Variants in TMEM220 observed in about 807,000 individuals in gnomAD.
The protein encoded by TMEM220 is transmembrane protein 220.
TMEM220 carries 21 observed loss-of-function variants against 21.7 expected under a neutral mutation model. That is an observed-to-expected ratio of 0.97 (90% CI 0.69 to 1.39). The LOEUF (loss-of-function observed/expected upper bound fraction) is 1.39. Among genes scored for constraint, TMEM220 ranks in the 40% most tolerant of loss-of-function variants. TMEM220 has a pLI of 0.00. For synonymous variants in TMEM220, 80 were observed against 73.6 expected, an observed-to-expected ratio of 1.09 and a Z score of -0.45; for missense variants, 191 against 201.9, an observed-to-expected ratio of 0.95 and a Z score of 0.33.
At chr17:10,722,342 CTT>C (rs1275065232) in intron 5 of TMEM220, among the ~76,000 whole-genome samples, 3 of 152,120 alleles carry the variant, frequency 2.0e-5, no homozygotes. Context: ...TTCTTTGACT[CTT>C]AACTGAAATC....
chr17:10,715,683 A>C, intron 5 of TMEM220, 95 bp from the exon 6 acceptor site: 1 of 905,186 alleles, frequency 1.1e-6, no homozygotes, highest in Non-Finnish European at 1.6e-6. Flanking sequence ...ATTACATTTT[A>C]GTATGTTCTC....
chr17:10,712,837 G>C (rs1567582566), downstream of TMEM220, among the ~76,000 whole-genome samples: 1 of 152,190 alleles, frequency 6.6e-6, no homozygotes, highest in South Asian at 2.1e-4. Flanking sequence ...ATTATGGAGA[G>C]CCTTGAATGA....
In TMEM220 at chr17:10,714,304, G is replaced by C. The variant is rs2074882133; in HGVS notation, c.*1149C>G. On this transcript the variant is annotated 3_prime_UTR_variant, in exon 6 of 6. Coordinates refer to ENST00000341871, the MANE Select transcript of TMEM220 (RefSeq NM_001004313.3). ...CATAAAATTTGCAATTGGAAAATTA[G>C]ATTCAAATACCCAAGTTGTTCCAAA... is the stretch of plus-strand genomic sequence containing the variant. 1 of 150,422 alleles carries C rather than the reference G, an allele frequency of 6.6e-6. No homozygotes were observed. The allele number at this position is 150,422 out of a possible 1,614,324, so 9.3% of individuals were successfully genotyped here.
Position 10,725,047 on chromosome 17 carries a change from C to T in TMEM220, c.251G>A (p.Arg84His), listed in dbSNP as rs79737146. 1,145 of 1,614,058 alleles carry T rather than the reference C, an allele frequency of 7.1e-4. 15 individuals carry two copies. In the East Asian group the frequency reaches 0.019, roughly 27 times the overall value. The part of the protein sequence containing the change: ...AVGLASYLLH[R>H]TQQNILHEEE... ...CTCATGTAAGATGTTCTGTTGTGTACGATGCAAGAGGTAGGACGCCAAGCC... is the reference window on the plus strand; with the variant it reads ...CTCATGTAAGATGTTCTGTTGTGTATGATGCAAGAGGTAGGACGCCAAGCC... Residue 84 changes from arginine to histidine, a missense_variant, in exon 4 of 6, where the codon CGT becomes CAT. Arg to His is a conservative substitution (Grantham distance 29, BLOSUM62 0). Coordinates refer to ENST00000341871, the MANE Select transcript of TMEM220 (RefSeq NM_001004313.3).
At position 10,729,836 on chromosome 17, in the gene TMEM220, A is replaced by C. The variant is rs1258259457; in HGVS notation, c.16T>G (p.Trp6Gly). 7.2e-7 allele frequency: 1 copy of C among 1,397,578 alleles called. No homozygotes were observed. Among genetic ancestry groups the C allele is most frequent in the East Asian group, 3.0e-5 (1 of 33,344 alleles). 86.6% of individuals were successfully genotyped at this position (1,397,578 alleles called of 1,614,324 possible). MAPAL[W>G]RACNGLMAAF... The stretch of plus-strand genomic sequence containing the variant: ...GCCATGAGTCCGTTGCAGGCCCGCC[A>C]CAGCGCTGGCGCCATGGCTCGGAGA... Residue 6 changes from tryptophan to glycine, a missense_variant, in exon 1 of 6, where the codon TGG becomes GGG. Transcript: ENST00000341871.
At chr17:10,729,007 A>G in intron 2 of TMEM220, 24 bp downstream of exon 2, 3 of 1,614,010 alleles carry the variant, frequency 1.9e-6, no homozygotes, top group East Asian at 2.2e-5. Flanking sequence ...AACGGAGGAA[A>G]GCCTGGAAGC....
intron 1 of TMEM220, 138 bp from the exon 2 acceptor site, chr17:10,729,198 G>T: frequency 1.1e-6 from 1 of 921,550 alleles, no homozygotes; most frequent in Non-Finnish European, 1.7e-6. Flanking sequence ...AATCTGAACA[G>T]GATATAGTCC....
At chr17:10,716,187 A>G (rs774168760) in intron 5 of TMEM220, 1 of 895,704 alleles carries the variant, frequency 1.1e-6, no homozygotes, top group Non-Finnish European at 1.8e-6. Context: ...ATTGACTGAC[A>G]TCAATAAGGG....
chr17:10,723,182 T>C, intron 5 of TMEM220, 88 bp downstream of exon 5: 1 of 1,112,134 alleles, frequency 9.0e-7, no homozygotes, highest in Non-Finnish European at 1.4e-6. Flanking sequence ...GGTTTGACCA[T>C]ATTGGCCAGG....
intron 5 of TMEM220, among the ~76,000 whole-genome samples, chr17:10,720,175 C>T (rs1393226371): frequency 1.3e-5 from 2 of 152,152 alleles, no homozygotes; most frequent in South Asian, 2.1e-4. Context: ...ATGAACTATG[C>T]AATTACACTT....
downstream of TMEM220, among the ~76,000 whole-genome samples, chr17:10,712,596 G>A (rs1462964603): frequency 6.6e-6 from 1 of 152,214 alleles, no homozygotes; most frequent in Non-Finnish European, 1.5e-5. Context: ...GAACATGGAG[G>A]ATGAATTTAA....
At chr17:10,711,605 C>T (rs1423922890), downstream of TMEM220, among the ~76,000 whole-genome samples, 7 of 152,130 alleles carry the variant, frequency 4.6e-5, no homozygotes, top group African/African-American at 1.7e-4. Flanking sequence ...ATTTTGTAAA[C>T]AAAATTACCA....
At chr17:10,722,736 A>G (rs1261956396) in intron 5 of TMEM220, among the ~76,000 whole-genome samples, 1 of 152,136 alleles carries the variant, frequency 6.6e-6, no homozygotes. Flanking sequence ...TGAATCTCTA[A>G]GTTTCCTCCT....
chr17:10,729,149 G>A, intron 1 of TMEM220, 89 bp from the exon 2 acceptor site: 1 of 1,481,822 alleles, frequency 6.7e-7, no homozygotes, highest in Non-Finnish European at 9.4e-7. Context: ...TTATTAATTT[G>A]TTAAGTGCCA....
At chr17:10,725,750 T>G (rs973168126) in intron 3 of TMEM220, among the ~76,000 whole-genome samples, 1 of 152,166 alleles carries the variant, frequency 6.6e-6, no homozygotes, top group Non-Finnish European at 1.5e-5. Context: ...CCTTTTCTTC[T>G]CAGCTCATAG....
intron 2 of TMEM220, among the ~76,000 whole-genome samples, chr17:10,728,201 A>AC (rs2075071015): frequency 6.6e-6 from 1 of 151,930 alleles, no homozygotes; most frequent in Non-Finnish European, 1.5e-5. Flanking sequence ...GATGTATGGA[A>AC]CAATGGCCCC....
At chr17:10,716,907 T>G (rs891644916) in intron 5 of TMEM220, among the ~76,000 whole-genome samples, 1 of 152,242 alleles carries the variant, frequency 6.6e-6, no homozygotes. Context: ...GTAGAGATTT[T>G]GCATATCTCT....
At chr17:10,715,665 AAC>A in intron 5 of TMEM220, 77 bp from the exon 6 acceptor site, 2 of 1,102,120 alleles carry the variant, frequency 1.8e-6, no homozygotes, top group South Asian at 1.9e-5. Flanking sequence ...GAATTGATAA[AAC>A]ACATAATTAC....
In TMEM220 at chr17:10,715,596, G is replaced by A; in HGVS notation, c.348-8C>T. ...CTTCCACCAACTGGATTCCTATAAA[G>A]ACACAAAAATTATTATAAATAAAAA... On this transcript the variant is annotated splice_polypyrimidine_tract_variant and splice_region_variant and intron_variant, in intron 5 of 5. Coordinates refer to ENST00000341871, the MANE Select transcript of TMEM220 (RefSeq NM_001004313.3). The A allele has an allele frequency of 6.4e-7, 1 of 1,562,064 alleles. No homozygotes were observed. The highest frequency in any genetic ancestry group is 2.3e-5 in the East Asian group (1 of 43,806).
Sources: allele counts gnomAD v4.1 joint callset (sites outside exome capture counted in the v4.1 genomes callset), GRCh38; gene constraint gnomAD v4.1.1; transcripts MANE v1.5; gene names NCBI Gene and HGNC (gene_info 2026-07-23, HGNC 2026-07-21).